PSMA6: variants seen among roughly 807,000 people sequenced by gnomAD.
The protein encoded by PSMA6 is proteasome 20S subunit alpha 6, also known as proteasome subunit alpha type-6.
For synonymous variants in PSMA6, 88 were observed against 97.7 expected, an observed-to-expected ratio of 0.90 and a Z score of 0.59; for missense variants, 170 against 294.8, an observed-to-expected ratio of 0.58 and a Z score of 3.10.
At chr14:35,297,292 T>G (rs960237737) in intron 1 of PSMA6, among the ~76,000 whole-genome samples, 1 of 152,002 alleles carries the variant, frequency 6.6e-6, no homozygotes, top group Non-Finnish European at 1.5e-5. Flanking sequence ...CTCTGCTCAC[T>G]GCAAACTCCG....
rs2051865017 is a variant in PSMA6, at chr14:35,308,070, C to G, written c.153C>G (p.Val51=). ...AVRGKDCAVI[V]TQKKVPDKLL... is the part of the protein sequence containing the mutation. ...GAGGGAAAGACTGTGCAGTAATTGTCACACAGAAGAAAGTACCTGTAAGTA... is the reference window on the plus strand; with the variant it reads ...GAGGGAAAGACTGTGCAGTAATTGTGACACAGAAGAAAGTACCTGTAAGTA... The change falls in exon 2 of 7, where the codon GTC becomes GTG. Residue 51 remains valine (V), a synonymous_variant. Coordinates refer to ENST00000261479, the MANE Select transcript of PSMA6 (RefSeq NM_002791.3). The G allele has an allele frequency of 6.2e-7, 1 of 1,613,674 alleles. No individual in the cohort carries two copies. The highest frequency in any genetic ancestry group is 1.3e-5 in the African/African-American group (1 of 74,896).
chr14:35,317,334 GA>G lies in PSMA6; in HGVS notation c.*29del. ...ATTGTCGTTAGTTTACCAGATCCGT[GA>G]TGCCACTTACCTGTGTGTTTGGTAA... On this transcript the variant is annotated 3_prime_UTR_variant, in exon 7 of 7. Transcript: ENST00000261479. 6.4e-7 allele frequency: 1 copy of G among 1,571,878 alleles called. No homozygotes were observed. Among genetic ancestry groups the G allele is most frequent in the Middle Eastern group, 2.3e-4 (1 of 4,412 alleles).
At chr14:35,286,821 G>A (rs2051426098) in intron 1 of PSMA6, among the ~76,000 whole-genome samples, 1 of 152,042 alleles carries the variant, frequency 6.6e-6, no homozygotes, top group African/African-American at 2.4e-5. Context: ...GCTAAACACT[G>A]TATTGCATCC....
chr14:35,279,312 G>T (rs567321529), intron 1 of PSMA6, among the ~76,000 whole-genome samples: 19 of 152,214 alleles, frequency 1.2e-4, no homozygotes, highest in South Asian at 1.2e-3. Context: ...CTCCCAAAGT[G>T]CTGGGATTAC....
intron 6 of PSMA6, chr14:35,316,035 C>T: frequency 6.6e-6 from 1 of 152,126 alleles, no homozygotes; most frequent in Non-Finnish European, 1.5e-5. Context: ...AGTAATAGGT[C>T]ACATTAACAA....
chr14:35,312,132 G>A (rs1046028365), intron 4 of PSMA6, among the ~76,000 whole-genome samples: 1 of 150,546 alleles, frequency 6.6e-6, no homozygotes, highest in African/African-American at 2.5e-5. Flanking sequence ...TTGGGAGGCC[G>A]AGGCAGGAGG....
chr14:35,288,174 T>C (rs2051440750), upstream of PSMA6, among the ~76,000 whole-genome samples: 1 of 152,200 alleles, frequency 6.6e-6, no homozygotes, highest in Non-Finnish European at 1.5e-5. Flanking sequence ...CTAGGCACTG[T>C]TTGGTATTGA....
At chr14:35,293,266 G>A (rs896765355) in intron 1 of PSMA6, 8 of 328,038 alleles carry the variant, frequency 2.4e-5, no homozygotes, top group Non-Finnish European at 4.8e-5. Flanking sequence ...CCGATTCTGA[G>A]TTGTAGATGA....
intron 1 of PSMA6, among the ~76,000 whole-genome samples, chr14:35,299,327 C>CCTTTTTTTTTTTTTT (rs2051663025): frequency 1.5e-5 from 1 of 66,008 alleles, no homozygotes; most frequent in Admixed American, 2.3e-4. Flanking sequence ...TGCCCAGCCT[C>CCTTTTTTTTTTTTTT]TTTTTTTTTT....
intron 1 of PSMA6, among the ~76,000 whole-genome samples, chr14:35,301,568 A>G (rs895312188): frequency 2.0e-5 from 3 of 152,162 alleles, no homozygotes; most frequent in African/African-American, 2.4e-5. Context: ...TATGTGCTCA[A>G]TAGCCACATA....
intron 5 of PSMA6, chr14:35,314,139 C>A: frequency 3.5e-6 from 1 of 289,638 alleles, no homozygotes; most frequent in Non-Finnish European, 6.2e-6. Flanking sequence ...TATAAATCAT[C>A]CTATTTTAAT....
intron 3 of PSMA6, chr14:35,310,191 C>CTT (rs33988739): frequency 3.5e-4 from 123 of 353,778 alleles, no homozygotes; most frequent in East Asian, 4.7e-4. Flanking sequence ...CTCTCAAGGC[C>CTT]TTTTTTTTTT....
chr14:35,291,365 C>T (rs1352161831), upstream of PSMA6, among the ~76,000 whole-genome samples: 2 of 152,052 alleles, frequency 1.3e-5, no homozygotes, highest in Non-Finnish European at 2.9e-5. Context: ...CTACAGGCGC[C>T]CGCCACCACG....
At chr14:35,307,366 A>C (rs902702213) in intron 1 of PSMA6, among the ~76,000 whole-genome samples, 2 of 152,224 alleles carry the variant, frequency 1.3e-5, no homozygotes, top group Non-Finnish European at 2.9e-5. Context: ...AGACTTAGAA[A>C]TAATGGCCAC....
intron 2 of PSMA6, chr14:35,308,701 A>G (rs2051880526): frequency 4.4e-6 from 2 of 456,342 alleles, no homozygotes; most frequent in Non-Finnish European, 7.8e-6. Context: ...CAGGAAAAGT[A>G]TCATCTAGAA....
chr14:35,299,309 C>T lies in PSMA6; in HGVS notation c.76+6757C>T, dbSNP rs143139068. Among the ~76,000 whole-genome samples, 994 of 137,366 alleles carry T rather than the reference C, an allele frequency of 7.2e-3. 17 individuals are homozygous for T. The highest frequency in any genetic ancestry group is 0.024 in the African/African-American group (868 of 36,232). The allele number at this position is 137,366 out of a possible 152,430, so 90.1% of individuals were successfully genotyped here. A position where few individuals can be genotyped will look rare whatever the true frequency, so the allele number is the denominator to read the frequency against. On this transcript the variant is annotated intron_variant, in intron 1 of 6. Transcript: ENST00000261479. ...AAGTGCTGGGATTATAGGTGTGAGC[C>T]GCCGCAGTGCCCAGCCTCTTTTTTT... is the stretch of plus-strand genomic sequence containing the variant.
intron 2 of PSMA6, 37 bp downstream of exon 2, chr14:35,308,125 AT>A: frequency 1.2e-6 from 2 of 1,607,896 alleles, no homozygotes; most frequent in Non-Finnish European, 1.7e-6. Flanking sequence ...TAATTGCAGA[AT>A]ATAAGAATTT....
chr14:35,307,651 G>A (rs1224497257), intron 1 of PSMA6, among the ~76,000 whole-genome samples: 2 of 151,970 alleles, frequency 1.3e-5, no homozygotes, highest in Non-Finnish European at 2.9e-5. Context: ...GGAGACTAGC[G>A]TTAACCTGGC....
At chr14:35,313,329 TG>T (rs2051980737) in intron 5 of PSMA6, 3 of 303,082 alleles carry the variant, frequency 9.9e-6, no homozygotes, top group Non-Finnish European at 1.8e-5. Context: ...CTGGGCATGG[TG>T]GCACACACCT....
Sources: gnomAD v4.1 joint callset for allele counts (sites outside exome capture counted in the v4.1 genomes callset) on GRCh38, gnomAD v4.1.1 for gene constraint, MANE v1.5 for transcripts, NCBI Gene and HGNC (gene_info 2026-07-23, HGNC 2026-07-21) for gene names.